The following KCNT2 variants were observed in gnomAD, a reference collection of about 807,000 sequenced individuals.
KCNT2 encodes potassium channel subfamily T member 2.
A neutral mutation model predicts 153.8 loss-of-function variants in KCNT2; 67 were observed. The observed-to-expected ratio is 0.44, with a 90% CI of 0.36 to 0.53. The LOEUF is 0.53. Among genes scored for constraint, KCNT2 ranks in the 20% least tolerant of loss-of-function variants. KCNT2 has a pLI of 0.00. For missense variants in KCNT2, 975 were observed against 1,354.8 expected (o/e 0.72, Z 4.40); for synonymous variants, 500 against 458.8 (o/e 1.09, Z -1.15).
chr1:196,284,248 A>AAAAATATATATATATATATATATATATAT, intron 23 of KCNT2, among the ~76,000 whole-genome samples: 1 of 10,050 alleles, frequency 1.0e-4, no homozygotes, highest in African/African-American at 1.4e-4. Context: ...AAAAAAAAAA[A>AAAAATATATATATATATATATATATATAT]ATATATATAT....
chr1:196,529,482 A>T (rs188043211), intron 1 of KCNT2, among the ~76,000 whole-genome samples: 3 of 152,256 alleles, frequency 2.0e-5, no homozygotes, highest in East Asian at 3.9e-4. Flanking sequence ...AGACATTATG[A>T]TCTTCTGCTC....
chr1:196,434,703 G>C (rs998588151), intron 8 of KCNT2, among the ~76,000 whole-genome samples: 1 of 151,832 alleles, frequency 6.6e-6, no homozygotes, highest in Non-Finnish European at 1.5e-5. Flanking sequence ...ATGTCTTCAG[G>C]TCCTTCAATC....
At chr1:196,395,075 C>A (rs1670815240) in intron 13 of KCNT2, among the ~76,000 whole-genome samples, 1 of 150,674 alleles carries the variant, frequency 6.6e-6, no homozygotes, top group Non-Finnish European at 1.5e-5. Flanking sequence ...TATGGTTATT[C>A]TCTTTTAACA....
At chr1:196,262,087 C>CA (rs1469628678) in intron 25 of KCNT2, among the ~76,000 whole-genome samples, 1 of 151,582 alleles carries the variant, frequency 6.6e-6, no homozygotes, top group Non-Finnish European at 1.5e-5. Flanking sequence ...ATTAAAAACA[C>CA]AAAAAATAAG....
chr1:196,471,539 T>C lies in KCNT2; in HGVS notation c.385-2471A>G, dbSNP rs750806520. Among the ~76,000 whole-genome samples the C allele has an allele frequency of 1.1e-4, 16 of 150,974 alleles. 1 individual carries two copies. Among genetic ancestry groups the C allele is most frequent in the Non-Finnish European group, 2.1e-4 (14 of 67,502 alleles). On this transcript the variant is annotated intron_variant, in intron 5 of 27. Coordinates refer to ENST00000294725, the MANE Select transcript of KCNT2 (RefSeq NM_198503.5). ...TTGTATTTTCACTTTTCATTTTACA[T>C]TTTTTTTTGGTATCAATGATTGTCC... is the stretch of plus-strand genomic sequence containing the variant.
chr1:196,302,885 A>C (rs1034269523), intron 22 of KCNT2, among the ~76,000 whole-genome samples: 2 of 152,094 alleles, frequency 1.3e-5, no homozygotes, highest in African/African-American at 4.8e-5. Flanking sequence ...TATAACATTC[A>C]AACTATTTAT....
intron 1 of KCNT2, among the ~76,000 whole-genome samples, chr1:196,512,190 A>G (rs1466122023): frequency 6.6e-6 from 1 of 152,146 alleles, no homozygotes; most frequent in Non-Finnish European, 1.5e-5. Flanking sequence ...CAGAGACTCC[A>G]TTTTCTTGAT....
chr1:196,418,876 T>C (rs1469401321), intron 12 of KCNT2, among the ~76,000 whole-genome samples: 1 of 152,142 alleles, frequency 6.6e-6, no homozygotes, highest in Non-Finnish European at 1.5e-5. Context: ...AAAGCTCTTC[T>C]CAATACACTC....
intron 14 of KCNT2, among the ~76,000 whole-genome samples, chr1:196,365,746 C>G (rs12087303): frequency 0.039 from 5,990 of 152,268 alleles, 166 homozygotes; most frequent in South Asian, 0.073. Flanking sequence ...TTCTTCTACT[C>G]CATCACAAAT....
chr1:196,440,169 T>C (rs890791613), intron 8 of KCNT2, among the ~76,000 whole-genome samples: 1 of 152,056 alleles, frequency 6.6e-6, no homozygotes, highest in African/African-American at 2.4e-5. Flanking sequence ...TGTTTGGTTT[T>C]AATTTTTAAT....
At chr1:196,341,563 T>C (rs979056155) in intron 15 of KCNT2, among the ~76,000 whole-genome samples, 1 of 151,948 alleles carries the variant, frequency 6.6e-6, no homozygotes, top group Non-Finnish European at 1.5e-5. Flanking sequence ...TTTCATTATA[T>C]ACATACATTT....
chr1:196,376,269 A>T (rs903159041), intron 13 of KCNT2, among the ~76,000 whole-genome samples: 1 of 151,904 alleles, frequency 6.6e-6, no homozygotes, highest in South Asian at 2.1e-4. Context: ...AAATTTCAGA[A>T]TTAAAAAATA....
intron 27 of KCNT2, among the ~76,000 whole-genome samples, chr1:196,234,859 G>C (rs1217128651): frequency 6.6e-6 from 1 of 151,182 alleles, no homozygotes; most frequent in Non-Finnish European, 1.5e-5. Flanking sequence ...GTGGATCTTT[G>C]GCATTTGTTT....
chr1:196,599,201 T>C (rs921491748), intron 1 of KCNT2, among the ~76,000 whole-genome samples: 2 of 152,252 alleles, frequency 1.3e-5, no homozygotes, highest in Non-Finnish European at 2.9e-5. Context: ...ATTATTAAAC[T>C]AGACATCTGG....
At chr1:196,315,577 C>G (rs952723587) in intron 21 of KCNT2, among the ~76,000 whole-genome samples, 1 of 151,500 alleles carries the variant, frequency 6.6e-6, no homozygotes, top group Non-Finnish European at 1.5e-5. Flanking sequence ...AATACCAATA[C>G]GAGAACATGG....
At chr1:196,460,879 T>C (rs1677086246) in intron 8 of KCNT2, among the ~76,000 whole-genome samples, 1 of 151,800 alleles carries the variant, frequency 6.6e-6, no homozygotes, top group Non-Finnish European at 1.5e-5. Flanking sequence ...TTTTTGTGAC[T>C]TCGTCTTATT....
intron 18 of KCNT2, 37 bp downstream of exon 18, chr1:196,331,119 T>A (rs1162763832): frequency 1.8e-6 from 2 of 1,119,006 alleles, no homozygotes; most frequent in African/African-American, 3.1e-5. Context: ...TGCTATAATT[T>A]TATTTTGTAA....
chr1:196,328,206 T>C (rs1664076314), intron 18 of KCNT2, among the ~76,000 whole-genome samples: 1 of 152,136 alleles, frequency 6.6e-6, no homozygotes, highest in African/African-American at 2.4e-5. Context: ...CCTAAATCTA[T>C]TTCTCTGTAT....
intron 1 of KCNT2, among the ~76,000 whole-genome samples, chr1:196,541,708 A>G (rs917266917): frequency 3.9e-5 from 6 of 152,132 alleles, no homozygotes; most frequent in African/African-American, 1.4e-4. Flanking sequence ...GTTACACTTG[A>G]GTGTCACTTT....
Sources: gnomAD v4.1 joint callset for allele counts (sites outside exome capture counted in the v4.1 genomes callset) on GRCh38, gnomAD v4.1.1 for gene constraint, MANE v1.5 for transcripts, NCBI Gene and HGNC (gene_info 2026-07-23, HGNC 2026-07-21) for gene names.